The following KIAA1549L variants were observed in gnomAD, a reference collection of about 807,000 sequenced individuals.
KIAA1549L encodes the protein UPF0606 protein KIAA1549L.
A neutral mutation model predicts 160.7 loss-of-function variants in KIAA1549L; 88 were observed. The observed-to-expected ratio is 0.55, with a 90% CI of 0.46 to 0.65. The LOEUF (loss-of-function observed/expected upper bound fraction) is 0.65, where lower values mean the gene tolerates loss of function less well. KIAA1549L is among the 30% of genes least tolerant of loss of function. KIAA1549L has a pLI of 0.00. For missense variants in KIAA1549L, 2,258 were observed against 2,437.5 expected (o/e 0.93, Z 1.55); for synonymous variants, 950 against 976.7 (o/e 0.97, Z 0.51).
chr11:33,645,988 G>C lies in KIAA1549L; in HGVS notation c.5712G>C (p.Trp1904Cys), dbSNP rs1220123982. Reference sequence around the variant, plus strand: ...CGCGGCCCAGGGCCGGGGTGCAGTGGGTGCCGACCTACCGCCCAGAAATGT... The same window carrying C: ...CGCGGCCCAGGGCCGGGGTGCAGTGCGTGCCGACCTACCGCCCAGAAATGT... The part of the protein sequence containing the change: ...TMTRPRAGVQ[W>C]VPTYRPEMYQ... Residue 1904 changes from tryptophan to cysteine, a missense_variant, in exon 17 of 21, where the codon TGG becomes TGC. Coordinates refer to ENST00000658780, the MANE Select transcript of KIAA1549L (RefSeq NM_012194.3). The C allele has an allele frequency of 5.6e-6, 9 of 1,608,648 alleles. No homozygotes were observed. Among genetic ancestry groups the C allele is most frequent in the Non-Finnish European group, 5.9e-6 (7 of 1,177,612 alleles).
intron 14 of KIAA1549L, among the ~76,000 whole-genome samples, chr11:33,608,016 T>A (rs1590392976): frequency 6.6e-6 from 1 of 152,196 alleles, no homozygotes; most frequent in African/African-American, 2.4e-5. Flanking sequence ...AGCCATGAGG[T>A]TGAGGTCCCC....
At chr11:33,392,953 G>A (rs927787617) in intron 1 of KIAA1549L, among the ~76,000 whole-genome samples, 1 of 152,100 alleles carries the variant, frequency 6.6e-6, no homozygotes, top group Non-Finnish European at 1.5e-5. Flanking sequence ...TTTGGTCCAC[G>A]TTCTTACCAA....
At chr11:33,631,295 C>A (rs978007037) in intron 16 of KIAA1549L, among the ~76,000 whole-genome samples, 6 of 152,200 alleles carry the variant, frequency 3.9e-5, no homozygotes, top group Non-Finnish European at 8.8e-5. Context: ...ACTCCTTCAA[C>A]CACCCCCTTG....
At chr11:33,535,450 A>T (rs1319521483) in intron 1 of KIAA1549L, among the ~76,000 whole-genome samples, 1 of 152,076 alleles carries the variant, frequency 6.6e-6, no homozygotes, top group East Asian at 1.9e-4. Context: ...TGGCGGGAAG[A>T]TCACTTGAGC....
intron 1 of KIAA1549L, among the ~76,000 whole-genome samples, chr11:33,471,450 A>G (rs1029340159): frequency 6.6e-6 from 1 of 152,194 alleles, no homozygotes; most frequent in Non-Finnish European, 1.5e-5. Context: ...TGTAGGGCAT[A>G]GCATTCTTCC....
At chr11:33,598,105 G>A (rs546304955) in intron 12 of KIAA1549L, among the ~76,000 whole-genome samples, 2 of 152,100 alleles carry the variant, frequency 1.3e-5, no homozygotes, top group African/African-American at 2.4e-5. Flanking sequence ...TGAATGAAAC[G>A]TATTTCCTGA....
At chr11:33,462,669 G>A (rs1851963622) in intron 1 of KIAA1549L, among the ~76,000 whole-genome samples, 1 of 152,076 alleles carries the variant, frequency 6.6e-6, no homozygotes, top group South Asian at 2.1e-4. Context: ...TTCCACTCAT[G>A]GACCAGTGAC....
intron 1 of KIAA1549L, among the ~76,000 whole-genome samples, chr11:33,499,702 TTCATC>T (rs1852901279): frequency 2.0e-5 from 3 of 152,172 alleles, no homozygotes; most frequent in South Asian, 2.1e-4. Flanking sequence ...AGCCCATCAT[TTCATC>T]ACATTGTAAT....
chr11:33,601,509 G>A, intron 13 of KIAA1549L, among the ~76,000 whole-genome samples: 1 of 152,024 alleles, frequency 6.6e-6, no homozygotes, highest in East Asian at 1.9e-4. Flanking sequence ...GAATTGTGGA[G>A]AAAACAAAAA....
At chr11:33,622,845 T>C (rs1219268769) in intron 16 of KIAA1549L, among the ~76,000 whole-genome samples, 1 of 152,170 alleles carries the variant, frequency 6.6e-6, no homozygotes, top group Non-Finnish European at 1.5e-5. Context: ...AGCCCGTTTC[T>C]CAGAGCTCAG....
chr11:33,583,524 G>A (rs1271678468), intron 11 of KIAA1549L, 23 bp downstream of exon 11: 1 of 1,556,496 alleles, frequency 6.4e-7, no homozygotes. Flanking sequence ...GGTGGGGAGA[G>A]GGGCAGGAGG....
chr11:33,594,119 C>T (rs895111170), intron 12 of KIAA1549L, among the ~76,000 whole-genome samples: 3 of 152,052 alleles, frequency 2.0e-5, no homozygotes, highest in Non-Finnish European at 4.4e-5. Context: ...TCGTCTGTAT[C>T]AATTACCCAC....
intron 1 of KIAA1549L, among the ~76,000 whole-genome samples, chr11:33,466,642 C>G (rs1172641416): frequency 6.6e-6 from 1 of 152,138 alleles, no homozygotes; most frequent in Non-Finnish European, 1.5e-5. Context: ...GTTTATAAAT[C>G]ATGCTACTGT....
At chr11:33,397,865 TG>T (rs1850417747) in intron 1 of KIAA1549L, among the ~76,000 whole-genome samples, 2 of 112,204 alleles carry the variant, frequency 1.8e-5, no homozygotes, top group African/African-American at 5.1e-5. Context: ...TTTGTTTATT[TG>T]TTTTTTTTAA....
rs34297267 is a variant in KIAA1549L at position 33,570,006 on chromosome 11, C to CTTTTT, written c.4230+1790_4230+1794dup. ...GTGTTCTTTCTCTCTCTCTCTCTCTCTTTTTTTTTTTTTTTGAGACGGAGT... is the reference window on the plus strand; with the variant it reads ...GTGTTCTTTCTCTCTCTCTCTCTCTCTTTTTTTTTTTTTTTTTTTTGAGACGGAGT... On this transcript the variant is annotated intron_variant, in intron 9 of 20. Coordinates refer to ENST00000658780, the MANE Select transcript of KIAA1549L (RefSeq NM_012194.3). 1.6e-4 allele frequency among the ~76,000 whole-genome samples: 22 copies of CTTTTT among 134,550 alleles called. 2 individuals carry two copies. Among genetic ancestry groups the CTTTTT allele is most frequent in the East Asian group, 4.4e-4 (2 of 4,568 alleles). The allele number at this position is 134,550 out of a possible 152,430, so 88.3% of individuals were successfully genotyped here.
chr11:33,379,531 C>T (rs188398681), intron 1 of KIAA1549L, among the ~76,000 whole-genome samples: 18 of 152,250 alleles, frequency 1.2e-4, no homozygotes, highest in African/African-American at 4.1e-4. Context: ...CATCCAGGCT[C>T]CAGGCAAAAT....
chr11:33,559,680 G>A, intron 6 of KIAA1549L, 69 bp from the exon 7 acceptor site: 1 of 1,376,414 alleles, frequency 7.3e-7, no homozygotes, highest in Admixed American at 1.7e-5. Context: ...CCCCTCCCAT[G>A]GCCTCCATGA....
intron 1 of KIAA1549L, among the ~76,000 whole-genome samples, chr11:33,449,163 A>G (rs902352126): frequency 2.0e-5 from 3 of 152,194 alleles, no homozygotes; most frequent in Non-Finnish European, 4.4e-5. Flanking sequence ...TTAAATGTCA[A>G]TAATGAACAT....
At chr11:33,494,453 C>G (rs1342574632) in intron 1 of KIAA1549L, among the ~76,000 whole-genome samples, 1 of 152,182 alleles carries the variant, frequency 6.6e-6, no homozygotes, top group Non-Finnish European at 1.5e-5. Flanking sequence ...TAAGTACCAA[C>G]ATATTCGTTT....
Sources: allele counts gnomAD v4.1 joint callset (sites outside exome capture counted in the v4.1 genomes callset), GRCh38; gene constraint gnomAD v4.1.1; transcripts MANE v1.5; gene names NCBI Gene and HGNC (gene_info 2026-07-23, HGNC 2026-07-21).